The following PPTC7 variants were observed in gnomAD, a reference collection of about 807,000 sequenced individuals.
PPTC7 encodes the protein protein phosphatase PTC7 homolog.
Under a neutral mutation model 30.8 loss-of-function variants are expected in PPTC7, and 6 were observed. That is an observed-to-expected ratio of 0.19 (90% CI 0.11 to 0.38). PPTC7 has a LOEUF of 0.38. Among genes scored for constraint, PPTC7 ranks in the 10% least tolerant of loss-of-function variants. PPTC7 has a pLI of 1.00. For synonymous variants in PPTC7, 163 were observed against 168.1 expected (o/e 0.97, Z 0.23); for missense variants, 218 against 404.8 (o/e 0.54, Z 3.96).
chr12:110,570,444 G>GCCCGGA (rs1309967023), intron 1 of PPTC7, among the ~76,000 whole-genome samples: 1 of 27,284 alleles, frequency 3.7e-5, no homozygotes, highest in Non-Finnish European at 6.3e-5. Flanking sequence ...CCGTCCCCCA[G>GCCCGGA]CCCGACACCC....
chr12:110,544,286 T>C (rs561263863), intron 3 of PPTC7, among the ~76,000 whole-genome samples: 28 of 152,338 alleles, frequency 1.8e-4, no homozygotes, highest in Non-Finnish European at 3.7e-4. Flanking sequence ...AAGATGGCAA[T>C]AATAATTCAT....
intron 1 of PPTC7, among the ~76,000 whole-genome samples, chr12:110,578,339 G>A (rs1362641049): frequency 6.6e-6 from 1 of 152,134 alleles, no homozygotes; most frequent in African/African-American, 2.4e-5. Context: ...CAGGGAAGAA[G>A]GAACAAGAAA....
chr12:110,578,649 G>C (rs567749207), intron 1 of PPTC7, among the ~76,000 whole-genome samples: 66 of 152,244 alleles, frequency 4.3e-4, no homozygotes, highest in Non-Finnish European at 5.9e-4. Flanking sequence ...AGGAGTCCTA[G>C]ATGACCACAG....
chr12:110,572,371 G>A (rs569939462), intron 1 of PPTC7, among the ~76,000 whole-genome samples: 2 of 152,300 alleles, frequency 1.3e-5, no homozygotes, highest in Admixed American at 6.5e-5. Flanking sequence ...AACCCGGGAG[G>A]TGGAGGCTGC....
At chr12:110,570,574 A>G (rs1418404363) in intron 1 of PPTC7, among the ~76,000 whole-genome samples, 631 of 44,824 alleles carry the variant, frequency 0.014, 18 homozygotes, top group African/African-American at 0.063. Context: ...TCGGTATAAA[A>G]CCCGATTGTA....
Position 110,536,422 on chromosome 12 carries a change from G to C in PPTC7, c.*615C>G, listed in dbSNP as rs1168760059. On this transcript the variant is annotated 3_prime_UTR_variant, in exon 6 of 6. Transcript: ENST00000354300. The stretch of plus-strand genomic sequence containing the variant: ...ATATTTCCATCCATAGAACTAAAAT[G>C]GATTTTTCTCCCGATTTGTAACAAA... The C allele has an allele frequency of 6.6e-6, 1 of 152,122 alleles. No individual in the cohort carries two copies. The highest frequency in any genetic ancestry group is 1.5e-5 in the Non-Finnish European group (1 of 68,020). 9.4% of individuals were successfully genotyped at this position (152,122 alleles called of 1,614,324 possible). A position where few individuals can be genotyped will look rare whatever the true frequency, so the allele number is the denominator to read the frequency against.
chr12:110,578,094 T>C (rs1054800485), intron 1 of PPTC7, among the ~76,000 whole-genome samples: 3 of 152,128 alleles, frequency 2.0e-5, no homozygotes, highest in African/African-American at 7.2e-5. Flanking sequence ...CAATAACTAG[T>C]AGAGTAACCT....
intron 1 of PPTC7, among the ~76,000 whole-genome samples, chr12:110,574,141 TAAAAAAAAAA>T (rs58133391): frequency 4.9e-3 from 182 of 37,464 alleles, no homozygotes; most frequent in South Asian, 0.014. Context: ...CCACAATAAT[TAAAAAAAAAA>T]AAAAAAAAAA....
chr12:110,564,466 T>C (rs867022933), intron 1 of PPTC7, among the ~76,000 whole-genome samples: 3 of 152,200 alleles, frequency 2.0e-5, no homozygotes, highest in Non-Finnish European at 4.4e-5. Context: ...TCCTTCTGTT[T>C]ATAATTTACA....
At chr12:110,563,122 C>CAAAAAAAAAAAAAAAAAA (rs766517371) in intron 1 of PPTC7, among the ~76,000 whole-genome samples, 1 of 43,118 alleles carries the variant, frequency 2.3e-5, no homozygotes, top group African/African-American at 7.9e-5. Flanking sequence ...GACTCCATCT[C>CAAAAAAAAAAAAAAAAAA]AAAAAAAAAA....
intron 5 of PPTC7, 121 bp downstream of exon 5, chr12:110,538,023 A>C: frequency 9.8e-7 from 1 of 1,019,478 alleles, no homozygotes; most frequent in East Asian, 2.6e-5. Flanking sequence ...GAAAGCCACA[A>C]GTGCACAGTT....
rs1463412112 is a variant in PPTC7, at chr12:110,537,060, T to C, written c.892A>G (p.Ile298Val). ...AGCTAGTCTGTATACTCAGCCACTA[T>C]TGAAAGAAGGACGGTGATGTCATCT... is the stretch of plus-strand genomic sequence containing the variant. ...KPDDITVLLSIVAEYTD is the reference protein window; with the variant it reads ...KPDDITVLLSVVAEYTD Residue 298 changes from isoleucine (I) to valine (V), a missense_variant, in exon 6 of 6, where the codon ATA becomes GTA. Coordinates refer to ENST00000354300, the MANE Select transcript of PPTC7 (RefSeq NM_139283.2). The C allele has an allele frequency of 1.2e-6, 2 of 1,613,346 alleles. No homozygotes were observed. Among genetic ancestry groups the C allele is most frequent in the Non-Finnish European group, 1.7e-6 (2 of 1,179,320 alleles).
intron 1 of PPTC7, among the ~76,000 whole-genome samples, chr12:110,557,692 T>C (rs956224101): frequency 1.3e-5 from 2 of 152,220 alleles, no homozygotes; most frequent in Non-Finnish European, 2.9e-5. Context: ...GTCTGTATTA[T>C]TGTTAGGTAA....
intron 1 of PPTC7, among the ~76,000 whole-genome samples, chr12:110,580,025 C>T (rs1425516973): frequency 6.6e-6 from 1 of 150,836 alleles, no homozygotes; most frequent in African/African-American, 2.4e-5. Flanking sequence ...GCACCCCCCA[C>T]CCACCAAAAA....
At chr12:110,542,284 G>A (rs1425740951) in intron 3 of PPTC7, among the ~76,000 whole-genome samples, 2 of 151,822 alleles carry the variant, frequency 1.3e-5, no homozygotes, top group Non-Finnish European at 2.9e-5. Flanking sequence ...TGTGTCGTAT[G>A]TGCAACCATT....
intron 2 of PPTC7, 191 bp from the exon 3 acceptor site, chr12:110,546,269 A>G: frequency 1.7e-6 from 1 of 588,128 alleles, no homozygotes; most frequent in Non-Finnish European, 3.0e-6. Flanking sequence ...CACGGTGGGG[A>G]AAGAAAAAGG....
chr12:110,573,619 T>C (rs1395383891), intron 1 of PPTC7, among the ~76,000 whole-genome samples: 2 of 152,222 alleles, frequency 1.3e-5, no homozygotes. Flanking sequence ...TTATGATTTA[T>C]AGGTGTTTTA....
intron 1 of PPTC7, among the ~76,000 whole-genome samples, chr12:110,574,305 A>G (rs1201716903): frequency 1.3e-5 from 2 of 152,152 alleles, no homozygotes; most frequent in African/African-American, 2.4e-5. Flanking sequence ...AGATAAGAGC[A>G]GCAGCTTCGT....
intron 1 of PPTC7, among the ~76,000 whole-genome samples, chr12:110,578,696 T>A (rs1223059835): frequency 6.6e-6 from 1 of 152,202 alleles, no homozygotes; most frequent in Non-Finnish European, 1.5e-5. Flanking sequence ...GTAATAAATA[T>A]GGTGTCAATT....
Sources: allele counts gnomAD v4.1 joint callset (sites outside exome capture counted in the v4.1 genomes callset), GRCh38; gene constraint gnomAD v4.1.1; transcripts MANE v1.5; gene names NCBI Gene and HGNC (gene_info 2026-07-23, HGNC 2026-07-21).